The following KLHL26 variants were observed in gnomAD, a reference collection of about 807,000 sequenced individuals.
KLHL26 encodes the protein kelch like family member 26.
A neutral mutation model predicts 7.1 loss-of-function variants in KLHL26; 4 were observed. That is an observed-to-expected ratio of 0.56 (90% CI 0.28 to 1.28). The LOEUF (loss-of-function observed/expected upper bound fraction) is 1.28. Ranked by LOEUF, KLHL26 falls within the 50% of genes most tolerant of loss-of-function variation. The probability of loss-of-function intolerance (pLI) is 0.11; values close to 1 mark genes in which losing one functional copy is unlikely to be tolerated. For missense variants in KLHL26, 896 were observed against 924.6 expected, an observed-to-expected ratio of 0.97 and a Z score of 0.40; for synonymous variants, 465 against 414.1, an observed-to-expected ratio of 1.12 and a Z score of -1.49.
At chr19:18,642,946 G>C (rs1384517399) in intron 1 of KLHL26, among the ~76,000 whole-genome samples, 2 of 151,544 alleles carry the variant, frequency 1.3e-5, no homozygotes, top group Non-Finnish European at 2.9e-5. Flanking sequence ...CGATTCTCCT[G>C]CCTCAGCCTC....
chr19:18,669,222 C>A lies in KLHL26; in HGVS notation c.1825C>A (p.Pro609Thr). ...AGIACAPVLL[P>T]RAGTRR ...CATAGCCTGCGCCCCCGTCCTGCTG[C>A]CCCGGGCCGGGACCAGGAGGTAGCC... Residue 609 changes from proline (P) to threonine (T), a missense_variant, in exon 3 of 3, where the codon CCC becomes ACC. Coordinates refer to ENST00000300976, the MANE Select transcript of KLHL26 (RefSeq NM_018316.3). 1 of 1,610,752 alleles carries A rather than the reference C, an allele frequency of 6.2e-7. No individual in the cohort carries two copies. The highest frequency in any genetic ancestry group is 8.5e-7 in the Non-Finnish European group (1 of 1,179,804).
intron 1 of KLHL26, among the ~76,000 whole-genome samples, chr19:18,661,629 C>T (rs2052392704): frequency 6.6e-6 from 1 of 152,070 alleles, no homozygotes; most frequent in Admixed American, 6.5e-5. Context: ...GCTGTGATTC[C>T]ACGAATCTCC....
At position 18,649,447 on chromosome 19, in the gene KLHL26, C is replaced by T. The variant is rs1335843258; in HGVS notation, c.83+12310C>T. ...CTTCATTGAACCAGCAGGGTGTGGG[C>T]GGAGAAGCAGAAATTCACAGGCATG... On this transcript the variant is annotated intron_variant, in intron 1 of 2. Coordinates refer to ENST00000300976, the MANE Select transcript of KLHL26 (RefSeq NM_018316.3). The surrounding 1 kb of genome is among the most constrained non-coding windows in gnomAD (Gnocchi z 4.0). Among the ~76,000 whole-genome samples, 5 of 152,160 alleles carry T rather than the reference C, an allele frequency of 3.3e-5. No individual in the cohort carries two copies. Among genetic ancestry groups the T allele is most frequent in the African/African-American group, 9.7e-5 (4 of 41,434 alleles).
chr19:18,639,833 C>T (rs1976682291), intron 1 of KLHL26, among the ~76,000 whole-genome samples: 1 of 152,114 alleles, frequency 6.6e-6, no homozygotes, highest in South Asian at 2.1e-4. Context: ...CCTGCTCCAC[C>T]AACATACAGC....
At chr19:18,640,474 C>T (rs1600680145) in intron 1 of KLHL26, among the ~76,000 whole-genome samples, 1 of 151,714 alleles carries the variant, frequency 6.6e-6, no homozygotes, top group Non-Finnish European at 1.5e-5. Flanking sequence ...AATTCCAGGG[C>T]TCAAGCAATC....
intron 1 of KLHL26, among the ~76,000 whole-genome samples, chr19:18,658,824 G>A (rs1470836404): frequency 4.7e-5 from 6 of 129,028 alleles, no homozygotes; most frequent in Admixed American, 1.6e-4. Context: ...CTGGGCCTCC[G>A]TCTCTCCCTC....
intron 1 of KLHL26, among the ~76,000 whole-genome samples, chr19:18,663,793 A>G (rs1162787897): frequency 1.5e-5 from 1 of 65,012 alleles, no homozygotes; most frequent in Non-Finnish European, 2.9e-5. Flanking sequence ...ATGAGGGGGC[A>G]GTAGGGGCAG....
intron 1 of KLHL26, among the ~76,000 whole-genome samples, chr19:18,661,140 G>C (rs960119818): frequency 6.6e-6 from 1 of 152,166 alleles, no homozygotes; most frequent in Admixed American, 6.5e-5. Context: ...TTGTAGCTGA[G>C]GCCTGGGTGG....
rs760154670 is a variant in KLHL26 at position 18,664,290 on chromosome 19, G to A, written c.113G>A (p.Cys38Tyr). The A allele has an allele frequency of 2.5e-6, 4 of 1,606,492 alleles. No individual in the cohort carries two copies. In the Admixed American group the frequency reaches 6.7e-5, roughly 27 times the overall value. ...STADKNGALK[C>Y]TFSAPSHSTS... Reference sequence around the variant, plus strand: ...GCCGACAAGAACGGGGCCCTCAAGTGCACCTTCTCGGCACCCAGCCACAGC... The same window carrying A: ...GCCGACAAGAACGGGGCCCTCAAGTACACCTTCTCGGCACCCAGCCACAGC... Residue 38 changes from cysteine to tyrosine, a missense_variant, in exon 2 of 3, where the codon TGC (cysteine) becomes TAC (tyrosine). Coordinates refer to ENST00000300976, the MANE Select transcript of KLHL26 (RefSeq NM_018316.3).
Position 18,648,773 on chromosome 19 carries a change from G to A in KLHL26, c.83+11636G>A, listed in dbSNP as rs571972090. ...CAGTCTGGCTGCAGCTGCCCAGGAG[G>A]TCCTCAGGTAGCATCTCTTGTGGGT... On this transcript the variant is annotated intron_variant, in intron 1 of 2. Coordinates refer to ENST00000300976, the MANE Select transcript of KLHL26 (RefSeq NM_018316.3). The surrounding 1 kb of genome is among the most constrained non-coding windows in gnomAD (Gnocchi z 4.9). Among the ~76,000 whole-genome samples the A allele has an allele frequency of 5.3e-5, 8 of 152,214 alleles. No individual in the cohort carries two copies. Among genetic ancestry groups the A allele is most frequent in the Admixed American group, 1.3e-4 (2 of 15,288 alleles).
At chr19:18,643,172 C>T (rs570738727) in intron 1 of KLHL26, among the ~76,000 whole-genome samples, 2 of 149,772 alleles carry the variant, frequency 1.3e-5, no homozygotes, top group East Asian at 4.3e-4. Context: ...GGGCCGGGCG[C>T]GGTGGCTCAT....
In KLHL26 at chr19:18,637,039, C is replaced by T; in HGVS notation, c.-16C>T. 1.5e-6 allele frequency: 2 copies of T among 1,316,228 alleles called. No individual in the cohort carries two copies. The highest frequency in any genetic ancestry group is 2.0e-6 in the Non-Finnish European group (2 of 1,021,248). 81.5% of individuals were successfully genotyped at this position (1,316,228 alleles called of 1,614,324 possible). ...GCGCGGCTCCCGTCACTCGAACGCG[C>T]GACGGCGGGGGGAAGATGGCGGAGT... On this transcript the variant is annotated 5_prime_UTR_variant, in exon 1 of 3. Transcript: ENST00000300976.
chr19:18,661,839 C>T (rs556362632), intron 1 of KLHL26, among the ~76,000 whole-genome samples: 38 of 152,088 alleles, frequency 2.5e-4, no homozygotes, highest in African/African-American at 8.7e-4. Context: ...CTGACTCTTA[C>T]GTCCTTCTAG....
rs1406446972 is a variant in KLHL26 at position 18,650,894 on chromosome 19, C to T, written c.84-13367C>T. On this transcript the variant is annotated intron_variant, in intron 1 of 2. Coordinates refer to ENST00000300976, the MANE Select transcript of KLHL26 (RefSeq NM_018316.3). The surrounding 1 kb of genome is among the most constrained non-coding windows in gnomAD (Gnocchi z 4.2). ...TGGCCCTCAGCGGGGCTTCCTGACC[C>T]CTCAGCCCCGGTAGGAAGCTGGTGT... 6.6e-6 allele frequency among the ~76,000 whole-genome samples: 1 copy of T among 152,164 alleles called. No homozygotes were observed. The highest frequency in any genetic ancestry group is 2.4e-5 in the African/African-American group (1 of 41,442).
At position 18,638,718 on chromosome 19, in the gene KLHL26, C is replaced by T. The variant is rs149968960; in HGVS notation, c.83+1581C>T. On this transcript the variant is annotated intron_variant, in intron 1 of 2. Transcript: ENST00000300976. ...TTTTATTTTTATTTTTTTGAAACCC[C>T]GTCTCGCTCTGTCACCCAGGTATCT... Among the ~76,000 whole-genome samples, 463 of 152,196 alleles carry T rather than the reference C, an allele frequency of 3.0e-3. 2 individuals carry two copies. The highest frequency in any genetic ancestry group is 4.8e-3 in the Non-Finnish European group (326 of 68,004).
At position 18,656,212 on chromosome 19, in the gene KLHL26, A is replaced by G. The variant is rs1413886217; in HGVS notation, c.84-8049A>G. ...TGCAGGATGGGGGTGGACGGGCCTC[A>G]GCTTTCTGCTCCCAGCTCTGTGGGC... On this transcript the variant is annotated intron_variant, in intron 1 of 2. Coordinates refer to ENST00000300976, the MANE Select transcript of KLHL26 (RefSeq NM_018316.3). The surrounding 1 kb of genome is among the most constrained non-coding windows in gnomAD (Gnocchi z 4.4). Among the ~76,000 whole-genome samples the G allele has an allele frequency of 1.3e-5, 2 of 152,206 alleles. No homozygotes were observed. The highest frequency in any genetic ancestry group is 2.9e-5 in the Non-Finnish European group (2 of 68,028).
Position 18,671,126 on chromosome 19 carries a change from G to C in KLHL26, c.*1881G>C, listed in dbSNP as rs1168742676. On this transcript the variant is annotated 3_prime_UTR_variant, in exon 3 of 3. Transcript: ENST00000300976. Reference sequence around the variant, plus strand: ...TATCAGTTGCAGGTTAGCAGAGAAAGCCTGATGTTCCCGGACGGCCTTCCC... The same window carrying C: ...TATCAGTTGCAGGTTAGCAGAGAAACCCTGATGTTCCCGGACGGCCTTCCC... 6.6e-6 allele frequency: 1 copy of C among 152,222 alleles called. No homozygotes were observed. The highest frequency in any genetic ancestry group is 1.9e-4 in the East Asian group (1 of 5,202). 9.4% of individuals were successfully genotyped at this position (152,222 alleles called of 1,614,324 possible). A position where few individuals can be genotyped will look rare whatever the true frequency, so the allele number is the denominator to read the frequency against.
At chr19:18,644,233 A>G (rs1976763302) in intron 1 of KLHL26, among the ~76,000 whole-genome samples, 1 of 152,196 alleles carries the variant, frequency 6.6e-6, no homozygotes, top group Admixed American at 6.6e-5. Context: ...AGCCTAAATC[A>G]GCACTTCATT....
chr19:18,641,625 CTTTTTTCT>C (rs1976713589), intron 1 of KLHL26, among the ~76,000 whole-genome samples: 1 of 99,292 alleles, frequency 1.0e-5, no homozygotes, highest in Non-Finnish European at 1.8e-5. Flanking sequence ...GGCTCTTTTT[CTTTTTTCT>C]TTTTTTTTTT....
Sources: gnomAD v4.1 joint callset for allele counts (sites outside exome capture counted in the v4.1 genomes callset) on GRCh38, gnomAD v4.1.1 for gene constraint, Gnocchi (gnomAD v3.1) non-coding constraint, MANE v1.5 for transcripts, NCBI Gene and HGNC (gene_info 2026-07-23, HGNC 2026-07-21) for gene names.